BBS9: variants seen among roughly 807,000 people sequenced by gnomAD.
BBS9 encodes the protein protein PTHB1.
In BBS9, 89 loss-of-function variants were observed where a neutral mutation model predicts 117.7. The observed-to-expected ratio is 0.76, with a 90% CI of 0.64 to 0.90. BBS9 has a LOEUF of 0.90. Among genes scored for constraint, BBS9 ranks in the 40% least tolerant of loss-of-function variants. The probability of loss-of-function intolerance (pLI) is 0.00; values close to 1 mark genes in which losing one functional copy is unlikely to be tolerated. For missense variants in BBS9, 982 were observed against 1,042.2 expected, an observed-to-expected ratio of 0.94 and a Z score of 0.80; for synonymous variants, 379 against 370.9, an observed-to-expected ratio of 1.02 and a Z score of -0.25.
intron 2 of BBS9, among the ~76,000 whole-genome samples, chr7:33,151,360 A>C (rs1432147592): frequency 6.6e-6 from 1 of 151,584 alleles, no homozygotes. Context: ...TTTTTTGGCC[A>C]CAAGTGACAG....
intron 19 of BBS9, among the ~76,000 whole-genome samples, chr7:33,478,752 G>A (rs1010840809): frequency 1.1e-4 from 16 of 151,664 alleles, no homozygotes; most frequent in Admixed American, 7.9e-4. Flanking sequence ...ACTCATTAGA[G>A]CCAGATATTT....
At chr7:33,547,083 A>T (rs1400543863) in intron 21 of BBS9, among the ~76,000 whole-genome samples, 2 of 152,138 alleles carry the variant, frequency 1.3e-5, no homozygotes, top group Non-Finnish European at 2.9e-5. Context: ...AATACATACA[A>T]TCTCATATAC....
At chr7:33,437,430 A>T (rs1835466582) in intron 19 of BBS9, among the ~76,000 whole-genome samples, 1 of 152,238 alleles carries the variant, frequency 6.6e-6, no homozygotes, top group South Asian at 2.1e-4. Flanking sequence ...TCAGAGTGTT[A>T]TCTGTCAGAC....
At chr7:33,541,126 C>T (rs544355283) in intron 21 of BBS9, among the ~76,000 whole-genome samples, 37 of 152,192 alleles carry the variant, frequency 2.4e-4, no homozygotes, top group Admixed American at 1.2e-3. Context: ...AATTCGTATG[C>T]CTTCTGGTTG....
At chr7:33,437,667 A>G (rs1384969609) in intron 19 of BBS9, among the ~76,000 whole-genome samples, 1 of 152,136 alleles carries the variant, frequency 6.6e-6, no homozygotes, top group Non-Finnish European at 1.5e-5. Flanking sequence ...TGAGGTCAGG[A>G]GTTTGAGACC....
At chr7:33,195,689 CTAA>C (rs1784823491) in intron 5 of BBS9, among the ~76,000 whole-genome samples, 1 of 151,538 alleles carries the variant, frequency 6.6e-6, no homozygotes, top group African/African-American at 2.4e-5. Context: ...CTTAAATTCT[CTAA>C]TATTTAGTGT....
At chr7:33,310,989 G>C (rs1470802934) in intron 9 of BBS9, among the ~76,000 whole-genome samples, 2 of 152,188 alleles carry the variant, frequency 1.3e-5, no homozygotes, top group Non-Finnish European at 2.9e-5. Context: ...TTCCAACAGT[G>C]AGAAGTACTG....
intron 21 of BBS9, among the ~76,000 whole-genome samples, chr7:33,542,029 AATTT>A (rs1346646389): frequency 3.9e-5 from 6 of 152,180 alleles, no homozygotes; most frequent in South Asian, 2.1e-4. Context: ...AAAAGAAGAA[AATTT>A]ATTTATATTT....
intron 20 of BBS9, among the ~76,000 whole-genome samples, chr7:33,532,284 G>A (rs1423537029): frequency 6.6e-6 from 1 of 152,222 alleles, no homozygotes; most frequent in Admixed American, 6.5e-5. Context: ...GATGGGAACA[G>A]AATACAGTGG....
chr7:33,206,382 A>G (rs2128219134), intron 5 of BBS9, among the ~76,000 whole-genome samples: 1 of 152,348 alleles, frequency 6.6e-6, no homozygotes, highest in East Asian at 1.9e-4. Flanking sequence ...TAATAGACAT[A>G]AAAATTTACA....
rs758450052 is a variant in BBS9, at chr7:33,303,522, T to TCCCCCC, written c.1016+29567_1016+29572dup. On this transcript the variant is annotated intron_variant, in intron 9 of 22. Coordinates refer to ENST00000242067, the MANE Select transcript of BBS9 (RefSeq NM_198428.3). ...TTTAGTATCAACTGAAATGATCCCC[T>TCCCCCC]CCCCCCGCCCCTTCTTTCTTTGGTC... 3.3e-3 allele frequency among the ~76,000 whole-genome samples: 252 copies of TCCCCCC among 77,020 alleles called. 6 individuals carry two copies. Among genetic ancestry groups the TCCCCCC allele is most frequent in the African/African-American group, 4.3e-3 (74 of 17,056 alleles). The allele number at this position is 77,020 out of a possible 152,430, so 50.5% of individuals were successfully genotyped here. A position where few individuals can be genotyped will look rare whatever the true frequency, so the allele number is the denominator to read the frequency against.
intron 5 of BBS9, among the ~76,000 whole-genome samples, chr7:33,212,689 T>C (rs1188690890): frequency 6.6e-6 from 1 of 152,170 alleles, no homozygotes; most frequent in Non-Finnish European, 1.5e-5. Flanking sequence ...GTGCCTGTCC[T>C]TGAGAAGGCT....
At chr7:33,164,655 C>G (rs1795382580) in intron 4 of BBS9, among the ~76,000 whole-genome samples, 1 of 152,080 alleles carries the variant, frequency 6.6e-6, no homozygotes, top group Non-Finnish European at 1.5e-5. Flanking sequence ...ATTGCAACCC[C>G]TGCTTTTTTT....
intron 4 of BBS9, among the ~76,000 whole-genome samples, chr7:33,167,778 G>C (rs548217289): frequency 6.6e-6 from 1 of 152,034 alleles, no homozygotes; most frequent in East Asian, 1.9e-4. Context: ...AGTGCTTGTC[G>C]GGGTCCTTTC....
In BBS9 at chr7:33,604,985, T is replaced by G; in HGVS notation, c.2632+10T>G. 6 of 1,591,378 alleles carry G rather than the reference T, an allele frequency of 3.8e-6. No individual in the cohort carries two copies. The South Asian group carries it at 6.6e-5, about 18-fold the overall frequency. ...GAGACACCCAGGCCTGGTAAGAGAC[T>G]GGATGGCCTTCACAAGCGTTAGTTA... On this transcript the variant is annotated intron_variant, in intron 22 of 22. Transcript: ENST00000242067.
At chr7:33,413,669 T>C (rs6977744) in intron 19 of BBS9, among the ~76,000 whole-genome samples, 10,669 of 149,884 alleles carry the variant, frequency 0.071, 421 homozygotes, top group African/African-American at 0.089. Context: ...AAAAACAGAA[T>C]GTGGATATGA....
At chr7:33,177,814 G>C (rs1797550423) in intron 5 of BBS9, 1 of 509,742 alleles carries the variant, frequency 2.0e-6, no homozygotes, top group Admixed American at 3.4e-5. Context: ...GGCCTGGTTA[G>C]TACTTGGATA....
At chr7:33,581,943 G>A (rs1299745581) in intron 21 of BBS9, among the ~76,000 whole-genome samples, 1 of 146,992 alleles carries the variant, frequency 6.8e-6, no homozygotes, top group Admixed American at 6.8e-5. Flanking sequence ...CTTCTTTTGT[G>A]TTGTCTAGAC....
chr7:33,329,114 G>A lies in BBS9; in HGVS notation c.1017-7327G>A, dbSNP rs576925908. Among the ~76,000 whole-genome samples, 11 of 152,018 alleles carry A rather than the reference G, an allele frequency of 7.2e-5. No individual in the cohort carries two copies. The East Asian group carries it at 1.5e-3, about 21-fold the overall frequency. ...CAGCTCACTGCAACCTCCGCCTCCC[G>A]GATTCAAGTGATTGTCCTGCCTCAG... On this transcript the variant is annotated intron_variant, in intron 9 of 22. Transcript: ENST00000242067.
Sources: gnomAD v4.1 joint callset for allele counts (sites outside exome capture counted in the v4.1 genomes callset) on GRCh38, gnomAD v4.1.1 for gene constraint, MANE v1.5 for transcripts, NCBI Gene and HGNC (gene_info 2026-07-23, HGNC 2026-07-21) for gene names.